The following FGF6 variants were observed in gnomAD, a reference collection of about 807,000 sequenced individuals.
FGF6 encodes the protein fibroblast growth factor 6.
A neutral mutation model predicts 18.4 loss-of-function variants in FGF6; 14 were observed. That is an observed-to-expected ratio of 0.76 (90% CI 0.50 to 1.19). The LOEUF (loss-of-function observed/expected upper bound fraction) is 1.19, where lower values mean the gene tolerates loss of function less well. Among genes scored for constraint, FGF6 ranks in the 50% most tolerant of loss-of-function variants. The pLI is 0.00. For missense variants in FGF6, 266 were observed against 271.6 expected, an observed-to-expected ratio of 0.98 and a Z score of 0.15; for synonymous variants, 125 against 116.7, an observed-to-expected ratio of 1.07 and a Z score of -0.46.
intron 2 of FGF6, among the ~76,000 whole-genome samples, chr12:4,439,701 T>C (rs1865667754): frequency 6.6e-6 from 1 of 152,062 alleles, no homozygotes; most frequent in Non-Finnish European, 1.5e-5. Context: ...AGTTTACTAC[T>C]TTTTTTTCTT....
chr12:4,444,138 C>T lies in FGF6; in HGVS notation c.445G>A (p.Ala149Thr), dbSNP rs145168026. The part of the protein sequence containing the change: ...VAMNSKGRLY[A>T]TPSFQEECKF... ...CCCCGGCCTGGTGAACTCACCGTTG[C>T]GTACAATCTTCCTTTACTGTTCATG... The change falls in exon 2 of 3, where the codon GCA becomes ACA. Residue 149 changes from alanine (A) to threonine (T), a missense_variant. By Grantham distance (58) the Ala-to-Thr change is moderately conservative (BLOSUM62 0). Coordinates refer to ENST00000228837, the MANE Select transcript of FGF6 (RefSeq NM_020996.3). 3.5e-5 allele frequency: 56 copies of T among 1,608,050 alleles called. No homozygotes were observed. The African/African-American group carries it at 4.0e-4, about 12-fold the overall frequency.
Position 4,445,153 on chromosome 12 carries a change from G to C in FGF6, c.346+72C>G. 1 of 1,276,546 alleles carries C rather than the reference G, an allele frequency of 7.8e-7. No individual in the cohort carries two copies. The highest frequency in any genetic ancestry group is 1.4e-5 in the South Asian group (1 of 73,868). 79.1% of individuals were successfully genotyped at this position (1,276,546 alleles called of 1,614,324 possible). On this transcript the variant is annotated intron_variant, in intron 1 of 2. Transcript: ENST00000228837. This position sits in a 1 kb window ranked among gnomAD's most constrained non-coding sequence, Gnocchi z 5.5. ...TCGTGCATCCTGTCCGCTAGAGCAG[G>C]GCCCCTTCACCTTTTAGCCCTGCAT...
In FGF6 at chr12:4,445,717, A is replaced by G. The variant is rs1865757862; in HGVS notation, c.-147T>C. ...CATGAAACCAAAGCCTCCATCGGGC[A>G]CTCGGGTTGAGAGCAGAGGGACCCA... On this transcript the variant is annotated 5_prime_UTR_variant, in exon 1 of 3. Coordinates refer to ENST00000228837, the MANE Select transcript of FGF6 (RefSeq NM_020996.3). The surrounding 1 kb of genome is among the most constrained non-coding windows in gnomAD (Gnocchi z 5.5). 1.5e-6 allele frequency: 1 copy of G among 682,854 alleles called. No individual in the cohort carries two copies. Among genetic ancestry groups the G allele is most frequent in the Non-Finnish European group, 2.4e-6 (1 of 413,230 alleles). 42.3% of individuals were successfully genotyped at this position (682,854 alleles called of 1,614,324 possible).
In FGF6 at chr12:4,441,376, C is replaced by CT. The variant is rs527499050; in HGVS notation, c.450+2756dup. Reference sequence around the variant, plus strand: ...CACAGCTGTGGCTGGACGTGTGACCCTGGAGACCGGGTGTCCGCAGCTGCA... The same window carrying CT: ...CACAGCTGTGGCTGGACGTGTGACCCTTGGAGACCGGGTGTCCGCAGCTGCA... On this transcript the variant is annotated intron_variant, in intron 2 of 2. Transcript: ENST00000228837. 7.2e-5 allele frequency among the ~76,000 whole-genome samples: 11 copies of CT among 152,298 alleles called. No individual in the cohort carries two copies. The South Asian group carries it at 8.3e-4, about 11-fold the overall frequency.
chr12:4,436,219 C>T (rs999460185), intron 2 of FGF6, among the ~76,000 whole-genome samples: 7 of 152,150 alleles, frequency 4.6e-5, no homozygotes, highest in African/African-American at 1.4e-4. Context: ...GTGGACCTCT[C>T]TGGCAACATT....
At chr12:4,443,436 G>A (rs368824352) in intron 2 of FGF6, among the ~76,000 whole-genome samples, 8 of 152,324 alleles carry the variant, frequency 5.3e-5, no homozygotes, top group Admixed American at 4.6e-4. Context: ...ATGATGGGCC[G>A]AGGGCTGCAG....
intron 2 of FGF6, among the ~76,000 whole-genome samples, chr12:4,438,971 C>G (rs1392673699): frequency 6.6e-6 from 1 of 152,002 alleles, no homozygotes; most frequent in African/African-American, 2.4e-5. Flanking sequence ...GATACCGGTG[C>G]GTGCACGTGT....
In FGF6 at chr12:4,439,184, G is replaced by A. The variant is rs546132390; in HGVS notation, c.451-4793C>T. Among the ~76,000 whole-genome samples the A allele has an allele frequency of 2.0e-5, 3 of 152,260 alleles. No individual in the cohort carries two copies. The East Asian group carries it at 5.8e-4, about 29-fold the overall frequency. On this transcript the variant is annotated intron_variant, in intron 2 of 2. Coordinates refer to ENST00000228837, the MANE Select transcript of FGF6 (RefSeq NM_020996.3). ...TATTTAAAGTGGGAAGGGAATTTAG[G>A]GTAGCAAATGGGCCAGGAAACGAAG...
intron 2 of FGF6, among the ~76,000 whole-genome samples, chr12:4,437,588 T>C (rs1865640930): frequency 6.6e-6 from 1 of 152,152 alleles, no homozygotes; most frequent in South Asian, 2.1e-4. Context: ...CAAGTAAAGC[T>C]ACACTAATGA....
chr12:4,441,082 A>G (rs1032422705), intron 2 of FGF6, among the ~76,000 whole-genome samples: 1 of 152,358 alleles, frequency 6.6e-6, no homozygotes, highest in Admixed American at 6.5e-5. Context: ...GCACGACCGA[A>G]TTGCTGGTAT....
At chr12:4,438,221 G>A (rs1865646215) in intron 2 of FGF6, among the ~76,000 whole-genome samples, 1 of 152,160 alleles carries the variant, frequency 6.6e-6, no homozygotes, top group South Asian at 2.1e-4. Context: ...ATTTCAAAGA[G>A]AAAAGCGTTT....
intron 2 of FGF6, 92 bp from the exon 3 acceptor site, chr12:4,434,483 C>G: frequency 8.3e-7 from 1 of 1,209,814 alleles, no homozygotes; most frequent in Non-Finnish European, 1.2e-6. Context: ...GCCCCTCTGC[C>G]AGGTGCCCTT....
rs1244603138 is a variant in FGF6, at chr12:4,445,212, A to C, written c.346+13T>G. The C allele has an allele frequency of 6.3e-7, 1 of 1,597,186 alleles. No individual in the cohort carries two copies. The highest frequency in any genetic ancestry group is 8.5e-7 in the Non-Finnish European group (1 of 1,172,210). On this transcript the variant is annotated intron_variant, in intron 1 of 2. Transcript: ENST00000228837. This position sits in a 1 kb window ranked among gnomAD's most constrained non-coding sequence, Gnocchi z 5.5. The stretch of plus-strand genomic sequence containing the variant: ...ACCCCCAAGCGTCCCGACTGGCTGC[A>C]GCTGGCACTCACTGTAGGGGTTCTC...
chr12:4,435,329 T>C (rs1343639034), intron 2 of FGF6, among the ~76,000 whole-genome samples: 3 of 152,154 alleles, frequency 2.0e-5, no homozygotes, highest in Admixed American at 6.5e-5. Context: ...TAGATTCTCA[T>C]AGGAGCAAGA....
In FGF6 at chr12:4,445,204, C is replaced by G. The variant is rs754677069; in HGVS notation, c.346+21G>C. The G allele has an allele frequency of 1.8e-5, 29 of 1,588,804 alleles. No homozygotes were observed. The highest frequency in any genetic ancestry group is 2.5e-5 in the Non-Finnish European group (29 of 1,167,382). On this transcript the variant is annotated intron_variant, in intron 1 of 2. Coordinates refer to ENST00000228837, the MANE Select transcript of FGF6 (RefSeq NM_020996.3). This position sits in a 1 kb window ranked among gnomAD's most constrained non-coding sequence, Gnocchi z 5.5. ...GAGCCCAAACCCCCAAGCGTCCCGA[C>G]TGGCTGCAGCTGGCACTCACTGTAG...
intron 2 of FGF6, among the ~76,000 whole-genome samples, chr12:4,439,421 G>A (rs1001302295): frequency 1.1e-4 from 17 of 152,152 alleles, no homozygotes; most frequent in Admixed American, 6.5e-4. Flanking sequence ...ATGAAATCTT[G>A]AGGTGGAGGA....
At chr12:4,436,193 T>A (rs1366382332) in intron 2 of FGF6, among the ~76,000 whole-genome samples, 1 of 152,110 alleles carries the variant, frequency 6.6e-6, no homozygotes, top group Non-Finnish European at 1.5e-5. Context: ...GCCCCAAGAC[T>A]CCCAGAGCCC....
chr12:4,445,389 G>A lies in FGF6; in HGVS notation c.182C>T (p.Ser61Phe). The A allele has an allele frequency of 6.2e-7, 1 of 1,613,738 alleles. No individual in the cohort carries two copies. Among genetic ancestry groups the A allele is most frequent in the Non-Finnish European group, 8.5e-7 (1 of 1,180,026 alleles). ...SRGWGTLLSR[S>F]RAGLAGEIAG... Reference sequence around the variant, plus strand: ...AATCTCTCCAGCTAGCCCGGCGCGAGACCTGGACAGCAGGGTGCCCCAGCC... The same window carrying A: ...AATCTCTCCAGCTAGCCCGGCGCGAAACCTGGACAGCAGGGTGCCCCAGCC... The change falls in exon 1 of 3, where the codon TCT becomes TTT. Residue 61 changes from serine (S) to phenylalanine (F), a missense_variant. Transcript: ENST00000228837. The surrounding 1 kb of genome is among the most constrained non-coding windows in gnomAD (Gnocchi z 5.5).
chr12:4,438,767 AAAAAAAAAAAAG>A (rs1208652247), intron 2 of FGF6, among the ~76,000 whole-genome samples: 1 of 150,652 alleles, frequency 6.6e-6, no homozygotes, highest in Admixed American at 6.6e-5. Context: ...AAAAAAAAAA[AAAAAAAAAAAAG>A]AGGAGTAACT....
Sources: gnomAD v4.1 joint callset for allele counts (sites outside exome capture counted in the v4.1 genomes callset) on GRCh38, gnomAD v4.1.1 for gene constraint, Gnocchi (gnomAD v3.1) non-coding constraint, MANE v1.5 for transcripts, NCBI Gene and HGNC (gene_info 2026-07-23, HGNC 2026-07-21) for gene names.